Variants in PPFIBP1 observed in about 807,000 individuals in gnomAD.
The protein encoded by PPFIBP1 is liprin-beta-1.
A neutral mutation model predicts 137.8 loss-of-function variants in PPFIBP1; 112 were observed. The ratio of observed to expected loss-of-function variants is 0.81; its 90% CI spans 0.70 to 0.95. The LOEUF is 0.95. Among genes scored for constraint, PPFIBP1 ranks in the 40% least tolerant of loss-of-function variants. PPFIBP1 has a pLI of 0.00. For missense variants in PPFIBP1, 1,083 were observed against 1,196.6 expected (o/e 0.91, Z 1.40); for synonymous variants, 378 against 417.3 (o/e 0.91, Z 1.15).
intron 1 of PPFIBP1, among the ~76,000 whole-genome samples, chr12:27,568,178 G>A (rs1212060170): frequency 1.3e-5 from 2 of 152,200 alleles, no homozygotes; most frequent in Admixed American, 6.5e-5. Context: ...GAAGAAGAAG[G>A]GTCATGGGAT....
intron 2 of PPFIBP1, among the ~76,000 whole-genome samples, chr12:27,629,234 G>A (rs185277968): frequency 6.6e-6 from 1 of 152,182 alleles, no homozygotes; most frequent in Non-Finnish European, 1.5e-5. Context: ...AACAATGAGT[G>A]GTTCCTTCCC....
At chr12:27,558,011 A>T (rs1011063103) in intron 1 of PPFIBP1, among the ~76,000 whole-genome samples, 12 of 152,176 alleles carry the variant, frequency 7.9e-5, no homozygotes, top group African/African-American at 2.7e-4. Context: ...TATTTCCAAG[A>T]GTCAGTTCTT....
intron 2 of PPFIBP1, chr12:27,593,568 G>A: frequency 2.7e-6 from 1 of 369,792 alleles, no homozygotes; most frequent in Non-Finnish European, 5.2e-6. Flanking sequence ...AATCTGAGTA[G>A]TTTCAGGAAA....
intron 1 of PPFIBP1, among the ~76,000 whole-genome samples, chr12:27,535,712 A>G (rs1944923031): frequency 6.6e-6 from 1 of 152,194 alleles, no homozygotes. Flanking sequence ...TGCTGGCTTT[A>G]AATGAAAATA....
chr12:27,642,579 A>T (rs1023034687), intron 4 of PPFIBP1, among the ~76,000 whole-genome samples: 1 of 152,190 alleles, frequency 6.6e-6, no homozygotes, highest in African/African-American at 2.4e-5. Flanking sequence ...ATGATGAAAC[A>T]CTAAAGAGCA....
chr12:27,635,995 CTG>C (rs1336162163), intron 4 of PPFIBP1: 2 of 152,186 alleles, frequency 1.3e-5, no homozygotes, highest in African/African-American at 4.8e-5. Flanking sequence ...TATGAGTTAA[CTG>C]TGTTGATATA....
At chr12:27,653,518 C>G (rs1043809466) in intron 7 of PPFIBP1, among the ~76,000 whole-genome samples, 1 of 140,904 alleles carries the variant, frequency 7.1e-6, no homozygotes, top group Non-Finnish European at 1.5e-5. Context: ...ACCCTGGAGG[C>G]GAAGGTCGCG....
chr12:27,553,797 G>A (rs1310015041), intron 1 of PPFIBP1, among the ~76,000 whole-genome samples: 2 of 152,138 alleles, frequency 1.3e-5, no homozygotes, highest in South Asian at 2.1e-4. Context: ...GAGTTAAGCT[G>A]GCTGCAGCCA....
At chr12:27,602,344 T>G (rs937862070) in intron 2 of PPFIBP1, among the ~76,000 whole-genome samples, 34 of 152,252 alleles carry the variant, frequency 2.2e-4, no homozygotes, top group African/African-American at 8.2e-4. Context: ...GATGATTTCA[T>G]GTATGCATAC....
At chr12:27,671,810 G>A (rs2060217470) in intron 14 of PPFIBP1, among the ~76,000 whole-genome samples, 1 of 152,220 alleles carries the variant, frequency 6.6e-6, no homozygotes, top group Admixed American at 6.5e-5. Context: ...GGTGGCTCAC[G>A]CCTGTAATCT....
In PPFIBP1 at chr12:27,647,799, A is replaced by G; in HGVS notation, c.428A>G (p.Glu143Gly). 6.2e-7 allele frequency: 1 copy of G among 1,612,170 alleles called. No homozygotes were observed. The highest frequency in any genetic ancestry group is 8.5e-7 in the Non-Finnish European group (1 of 1,179,264). The change falls in exon 6 of 30, where the codon GAG becomes GGG. Residue 143 changes from glutamate to glycine, a missense_variant. By Grantham distance (98) the Glu-to-Gly change is moderately conservative. Transcript: ENST00000228425. ...CGAGATTTGGAGTTTTGTCTTGAAG[A>G]GCACAGAGAGAAGGTGAATGCCACA... ...KIRDLEFCLE[E>G]HREKVNATEE...
At chr12:27,529,447 AC>A (rs1185215806) in intron 1 of PPFIBP1, among the ~76,000 whole-genome samples, 1 of 152,214 alleles carries the variant, frequency 6.6e-6, no homozygotes, top group Non-Finnish European at 1.5e-5. Flanking sequence ...TAATCCCAGC[AC>A]TTTGGGAGGC....
intron 11 of PPFIBP1, among the ~76,000 whole-genome samples, chr12:27,662,289 G>C (rs2059600578): frequency 6.6e-6 from 1 of 152,218 alleles, no homozygotes; most frequent in African/African-American, 2.4e-5. Context: ...TGAAGTGCAG[G>C]TGGAGTCGGG....
intron 18 of PPFIBP1, 130 bp downstream of exon 18, chr12:27,676,729 G>T (rs2060537430): frequency 1.0e-6 from 1 of 994,534 alleles, no homozygotes; most frequent in African/African-American, 1.7e-5. Flanking sequence ...ATGACTTAGG[G>T]GAATTTAGCA....
intron 19 of PPFIBP1, chr12:27,677,893 T>A (rs934677029): frequency 6.6e-6 from 1 of 152,272 alleles, no homozygotes; most frequent in Non-Finnish European, 1.5e-5. Flanking sequence ...TATCCACCTA[T>A]CTATTCACAT....
Position 27,667,172 on chromosome 12 carries a change from A to T in PPFIBP1, c.998A>T (p.Asp333Val). Reference sequence around the variant, plus strand: ...TTGTTTTATCTTTTCCTAGGCAAAGATGGAGAATATGAAGAGCTGCTCAAT... The same window carrying T: ...TTGTTTTATCTTTTCCTAGGCAAAGTTGGAGAATATGAAGAGCTGCTCAAT... ...VVLAQGKKGK[D>V]GEYEELLNSS... The change falls in exon 13 of 30, where the codon GAT becomes GTT. Residue 333 changes from aspartate (D) to valine (V), a missense_variant. Physicochemically the swap from Asp to Val is radical, Grantham distance 152. Coordinates refer to ENST00000228425, the MANE Select transcript of PPFIBP1 (RefSeq NM_003622.4). 1 of 1,574,358 alleles carries T rather than the reference A, an allele frequency of 6.4e-7. No individual in the cohort carries two copies. Among genetic ancestry groups the T allele is most frequent in the Non-Finnish European group, 8.6e-7 (1 of 1,161,902 alleles).
intron 2 of PPFIBP1, among the ~76,000 whole-genome samples, chr12:27,596,361 T>C (rs1451410226): frequency 1.3e-5 from 2 of 152,180 alleles, no homozygotes; most frequent in Non-Finnish European, 2.9e-5. Flanking sequence ...GGCAGAGTTA[T>C]AGTTAGAAAG....
At chr12:27,688,506 ATAATCC>A in intron 26 of PPFIBP1, 83 bp downstream of exon 26, 1 of 1,527,660 alleles carries the variant, frequency 6.5e-7, no homozygotes, top group Non-Finnish European at 8.9e-7. Flanking sequence ...TTTGCTTATC[ATAATCC>A]TAAAGTCATC....
At chr12:27,547,975 G>GC (rs1403967905) in intron 1 of PPFIBP1, 2 of 152,178 alleles carry the variant, frequency 1.3e-5, no homozygotes, top group African/African-American at 2.4e-5. Context: ...AGCGCCAAAT[G>GC]CCCGGCATAT....
Sources: gnomAD v4.1 joint callset for allele counts (sites outside exome capture counted in the v4.1 genomes callset) on GRCh38, gnomAD v4.1.1 for gene constraint, MANE v1.5 for transcripts, NCBI Gene and HGNC (gene_info 2026-07-23, HGNC 2026-07-21) for gene names.